The following NAF1 variants were observed in gnomAD, a reference collection of about 807,000 sequenced individuals.
NAF1 encodes the protein H/ACA ribonucleoprotein complex non-core subunit NAF1.
NAF1 carries 11 observed loss-of-function variants against 40.6 expected under a neutral mutation model. The ratio of observed to expected loss-of-function variants is 0.27; its 90% CI spans 0.17 to 0.45. The LOEUF is 0.45. Ranked by LOEUF, NAF1 falls within the 20% of genes least tolerant of loss-of-function variation. NAF1 has a pLI of 1.00. For synonymous variants in NAF1, 260 were observed against 228.5 expected, an observed-to-expected ratio of 1.14 and a Z score of -1.24; for missense variants, 607 against 611.1, an observed-to-expected ratio of 0.99 and a Z score of 0.07.
downstream of NAF1, chr4:163,109,929 C>A: frequency 7.8e-6 from 2 of 256,952 alleles, no homozygotes; most frequent in Non-Finnish European, 1.5e-5. Flanking sequence ...TTAGTTAACA[C>A]GGAATGTGCT....
intron 1 of NAF1, 148 bp from the exon 2 acceptor site, chr4:163,164,539 T>C (rs984219302): frequency 3.7e-5 from 22 of 600,604 alleles, no homozygotes; most frequent in Non-Finnish European, 4.9e-5. Flanking sequence ...TTAAGAAATA[T>C]CAACTTTACT....
the NAF1 span, among the ~76,000 whole-genome samples, chr4:163,103,935 C>A: frequency 6.6e-6 from 1 of 152,068 alleles, no homozygotes; most frequent in African/African-American, 2.4e-5. Flanking sequence ...TATGTGTGAG[C>A]AATAAAGCTG....
At position 163,144,640 on chromosome 4, in the gene NAF1, G is replaced by C. The variant is rs149961550; in HGVS notation, c.717+1142C>G. Reference sequence around the variant, plus strand: ...GTATTTTTTAAAAACTTGTCACAAAGTCTTTCAAAAGCATTTATAAAGCAT... The same window carrying C: ...GTATTTTTTAAAAACTTGTCACAAACTCTTTCAAAAGCATTTATAAAGCAT... On this transcript the variant is annotated intron_variant, in intron 4 of 7. Transcript: ENST00000274054. Among the ~76,000 whole-genome samples, 728 of 152,236 alleles carry C rather than the reference G, an allele frequency of 4.8e-3. 4 individuals are homozygous for C. Among genetic ancestry groups the C allele is most frequent in the African/African-American group, 0.016 (671 of 41,570 alleles).
At chr4:163,126,954 C>G (rs1253824022), downstream of NAF1, 4 of 1,542,286 alleles carry the variant, frequency 2.6e-6, no homozygotes, top group Non-Finnish European at 2.6e-6. Flanking sequence ...TTGAGATATG[C>G]ACATTGGTTT....
downstream of NAF1, among the ~76,000 whole-genome samples, chr4:163,123,790 A>C (rs1018363595): frequency 6.6e-6 from 1 of 152,224 alleles, no homozygotes; most frequent in African/African-American, 2.4e-5. Context: ...ATACACAATC[A>C]TGTGAATGTC....
intron 7 of NAF1, among the ~76,000 whole-genome samples, chr4:163,131,712 T>A (rs1241182793): frequency 6.6e-6 from 1 of 152,150 alleles, no homozygotes; most frequent in Non-Finnish European, 1.5e-5. Flanking sequence ...ACAAAATTGA[T>A]AAATTAGTTT....
At chr4:163,112,842 A>G (rs1274488091) in intron 2 of NAF1, among the ~76,000 whole-genome samples, 1 of 152,232 alleles carries the variant, frequency 6.6e-6, no homozygotes, top group African/African-American at 2.4e-5. Flanking sequence ...TGAAGGTTGT[A>G]GAGGAGAGTT....
At chr4:163,124,419 C>T (rs1010095973), downstream of NAF1, among the ~76,000 whole-genome samples, 1 of 130,526 alleles carries the variant, frequency 7.7e-6, no homozygotes, top group Non-Finnish European at 1.7e-5. Context: ...CTAATCCATA[C>T]ATAAGTGCAG....
intron 2 of NAF1, among the ~76,000 whole-genome samples, chr4:163,154,909 C>T (rs1238442451): frequency 2.7e-5 from 4 of 150,074 alleles, no homozygotes; most frequent in African/African-American, 9.8e-5. Flanking sequence ...AAAAACAGAG[C>T]GAGAGAGGAG....
chr4:163,154,716 C>T (rs568077122), intron 2 of NAF1, among the ~76,000 whole-genome samples: 6 of 151,940 alleles, frequency 3.9e-5, no homozygotes, highest in Non-Finnish European at 7.4e-5. Context: ...ACTAAAAATA[C>T]AAAAATTAGC....
At chr4:163,113,766 C>A (rs531754874) in intron 2 of NAF1, among the ~76,000 whole-genome samples, 2 of 152,200 alleles carry the variant, frequency 1.3e-5, no homozygotes, top group Non-Finnish European at 2.9e-5. Context: ...TTCTTTATTC[C>A]CACAATAATG....
At position 163,154,026 on chromosome 4, in the gene NAF1, G is replaced by A. The variant is rs540455820; in HGVS notation, c.541-5592C>T. Among the ~76,000 whole-genome samples, 428 of 151,972 alleles carry A rather than the reference G, an allele frequency of 2.8e-3. 3 individuals are homozygous for A. The highest frequency in any genetic ancestry group is 0.015 in the South Asian group (74 of 4,798). ...CCTTAAGAGCTGTAACACTCACCGC[G>A]AAGGTCTGCAGCTTCACTCCTGAGC... On this transcript the variant is annotated intron_variant, in intron 2 of 7. Transcript: ENST00000274054.
intron 2 of NAF1, among the ~76,000 whole-genome samples, chr4:163,149,358 C>A (rs1464643489): frequency 6.6e-6 from 1 of 152,098 alleles, no homozygotes; most frequent in Non-Finnish European, 1.5e-5. Context: ...GGTGGGAAAA[C>A]CTACATAACA....
chr4:163,110,019 G>A (rs1730113844), downstream of NAF1: 1 of 399,028 alleles, frequency 2.5e-6, no homozygotes, highest in African/African-American at 2.0e-5. Flanking sequence ...AATGATATGT[G>A]AGGTAGCATC....
intron 7 of NAF1, among the ~76,000 whole-genome samples, chr4:163,131,824 A>C (rs2110888085): frequency 6.6e-6 from 1 of 152,358 alleles, no homozygotes; most frequent in African/African-American, 2.4e-5. Flanking sequence ...TTTGACAGAA[A>C]GCTAGTATCT....
downstream of NAF1, among the ~76,000 whole-genome samples, chr4:163,125,562 G>A (rs1173480271): frequency 6.6e-6 from 1 of 152,100 alleles, no homozygotes; most frequent in African/African-American, 2.4e-5. Context: ...AAACCGCAGA[G>A]GGAAACTGCA....
chr4:163,117,118 C>T (rs542889502), intron 2 of NAF1, among the ~76,000 whole-genome samples: 3 of 152,132 alleles, frequency 2.0e-5, no homozygotes, highest in Admixed American at 6.5e-5. Flanking sequence ...TACAGTTCTA[C>T]GGCTTTTCTC....
chr4:163,111,689 A>G (rs1730164123), intron 2 of NAF1, among the ~76,000 whole-genome samples: 1 of 152,206 alleles, frequency 6.6e-6, no homozygotes, highest in Non-Finnish European at 1.5e-5. Flanking sequence ...ACCTTAAGAG[A>G]CAGGGAAAAG....
chr4:163,110,763 G>A (rs1044251817), intron 2 of NAF1, among the ~76,000 whole-genome samples: 10 of 151,966 alleles, frequency 6.6e-5, no homozygotes, highest in African/African-American at 2.2e-4. Context: ...ATTCTACTAT[G>A]GATTTTTTTA....
Sources: gnomAD v4.1 joint callset for allele counts (sites outside exome capture counted in the v4.1 genomes callset) on GRCh38, gnomAD v4.1.1 for gene constraint, MANE v1.5 for transcripts, NCBI Gene and HGNC (gene_info 2026-07-23, HGNC 2026-07-21) for gene names.